SMIM35: variants seen among roughly 807,000 people sequenced by gnomAD.
The protein encoded by SMIM35 is TMPRSS4 antisense RNA 1 (non-protein coding).
At chr11:118,050,771 G>A (rs1041297374) in intron 1 of SMIM35, among the ~76,000 whole-genome samples, 1 of 152,150 alleles carries the variant, frequency 6.6e-6, no homozygotes, top group African/African-American at 2.4e-5. Flanking sequence ...AGATCTGCCC[G>A]AAGCATTGAA....
intron 1 of SMIM35, among the ~76,000 whole-genome samples, chr11:118,057,466 G>A (rs556081087): frequency 2.0e-5 from 3 of 152,268 alleles, no homozygotes; most frequent in East Asian, 1.9e-4. Flanking sequence ...AGAACTGACC[G>A]TGGGCATCTA....
At chr11:118,042,356 C>G (rs1400750602) in intron 1 of SMIM35, among the ~76,000 whole-genome samples, 1 of 151,966 alleles carries the variant, frequency 6.6e-6, no homozygotes, top group South Asian at 2.1e-4. Flanking sequence ...AAATAGATAA[C>G]TTAGATGAAA....
intron 1 of SMIM35, among the ~76,000 whole-genome samples, chr11:118,064,574 G>T (rs145878567): frequency 1.5e-3 from 224 of 148,292 alleles, no homozygotes; most frequent in African/African-American, 5.5e-3. Flanking sequence ...ATGTGCCATC[G>T]TGCCTGGCTT....
At chr11:118,082,280 G>T (rs1052587187) in intron 1 of SMIM35, among the ~76,000 whole-genome samples, 2 of 152,146 alleles carry the variant, frequency 1.3e-5, no homozygotes, top group African/African-American at 2.4e-5. Flanking sequence ...TTGAGGCTCA[G>T]CCGGGTGTGG....
intron 1 of SMIM35, among the ~76,000 whole-genome samples, chr11:118,053,899 A>G (rs1271467214): frequency 6.6e-6 from 1 of 152,168 alleles, no homozygotes; most frequent in Non-Finnish European, 1.5e-5. Context: ...GTAACCTCAA[A>G]TGTTAAAATC....
At chr11:118,049,112 C>A (rs1423213909) in intron 1 of SMIM35, among the ~76,000 whole-genome samples, 1 of 152,006 alleles carries the variant, frequency 6.6e-6, no homozygotes, top group Non-Finnish European at 1.5e-5. Flanking sequence ...CAGGGGTGGG[C>A]AGGGGTCAGG....
chr11:118,083,165 C>G (rs1021002477), intron 1 of SMIM35, among the ~76,000 whole-genome samples: 1 of 152,368 alleles, frequency 6.6e-6, no homozygotes, highest in Non-Finnish European at 1.5e-5. Flanking sequence ...CTTTTGCTCA[C>G]ACATCTGTTT....
At chr11:118,039,616 G>A (rs997425695) in intron 1 of SMIM35, among the ~76,000 whole-genome samples, 1 of 151,808 alleles carries the variant, frequency 6.6e-6, no homozygotes, top group Non-Finnish European at 1.5e-5. Flanking sequence ...AAGCTGAGGC[G>A]GGAGGATTAC....
chr11:118,034,672 C>G (rs947151371), intron 1 of SMIM35, among the ~76,000 whole-genome samples: 5 of 152,230 alleles, frequency 3.3e-5, no homozygotes, highest in Non-Finnish European at 7.3e-5. Flanking sequence ...CCACTGCACT[C>G]CAGCATGGGT....
chr11:118,060,460 G>A (rs1944377776), intron 1 of SMIM35, among the ~76,000 whole-genome samples: 1 of 152,242 alleles, frequency 6.6e-6, no homozygotes, highest in Admixed American at 6.5e-5. Flanking sequence ...GGGTTTTGCT[G>A]CAGTCTGTTT....
At chr11:118,014,423 TGGATGG>T (rs2058167340) in intron 3 of SMIM35, among the ~76,000 whole-genome samples, 2 of 151,424 alleles carry the variant, frequency 1.3e-5, no homozygotes, top group African/African-American at 4.9e-5. Flanking sequence ...GATGGATGGA[TGGATGG>T]ATGAATGGAT....
chr11:118,048,734 C>CA (rs995310241), intron 1 of SMIM35, among the ~76,000 whole-genome samples: 1 of 150,744 alleles, frequency 6.6e-6, no homozygotes, highest in African/African-American at 2.4e-5. Context: ...CAACAGAAAA[C>CA]AAAAAACAAA....
At chr11:118,007,046 T>TAC (rs921148381) in intron 4 of SMIM35, among the ~76,000 whole-genome samples, 3 of 151,884 alleles carry the variant, frequency 2.0e-5, no homozygotes, top group African/African-American at 4.8e-5. Flanking sequence ...GTGTAGTACA[T>TAC]ACACACACAC....
intron 4 of SMIM35, among the ~76,000 whole-genome samples, chr11:118,012,427 G>T (rs1251680028): frequency 6.6e-6 from 1 of 152,174 alleles, no homozygotes; most frequent in Non-Finnish European, 1.5e-5. Context: ...TGCATTATCT[G>T]GTTTGTTCAG....
intron 1 of SMIM35, among the ~76,000 whole-genome samples, chr11:118,081,309 C>T (rs549875190): frequency 1.3e-5 from 2 of 152,306 alleles, no homozygotes; most frequent in Admixed American, 6.5e-5. Context: ...TGAGCCTGCC[C>T]GGAAACCCTG....
intron 1 of SMIM35, among the ~76,000 whole-genome samples, chr11:118,058,762 C>A (rs1386839711): frequency 6.6e-6 from 1 of 152,154 alleles, no homozygotes; most frequent in African/African-American, 2.4e-5. Context: ...TGACCAAGAG[C>A]CCAGCTCGGG....
intron 4 of SMIM35, among the ~76,000 whole-genome samples, chr11:118,009,753 G>A (rs2058141305): frequency 6.6e-6 from 1 of 151,684 alleles, no homozygotes. Flanking sequence ...AAGTAGATGA[G>A]GTCTTTGCTC....
intron 1 of SMIM35, chr11:118,077,333 A>G: frequency 6.3e-7 from 1 of 1,589,018 alleles, no homozygotes; most frequent in South Asian, 1.1e-5. Flanking sequence ...TGCTCCCAAG[A>G]CACAGGAAGG....
At chr11:118,023,933 G>T (rs1480788091) in intron 1 of SMIM35, among the ~76,000 whole-genome samples, 1 of 151,852 alleles carries the variant, frequency 6.6e-6, no homozygotes, top group Non-Finnish European at 1.5e-5. Flanking sequence ...AACTCGGGAG[G>T]CTGAGGAAGG....
Sources: allele counts gnomAD v4.1 joint callset (sites outside exome capture counted in the v4.1 genomes callset), GRCh38; gene constraint gnomAD v4.1.1; transcripts MANE v1.5; gene names NCBI Gene and HGNC (gene_info 2026-07-23, HGNC 2026-07-21).